UBE2L3: variants seen among roughly 807,000 people sequenced by gnomAD.
UBE2L3 encodes the protein ubiquitin conjugating enzyme E2 L3.
UBE2L3 carries 1 observed loss-of-function variant against 17.8 expected under a neutral mutation model. The ratio of observed to expected loss-of-function variants is 0.06; its 90% CI spans 0.02 to 0.27. UBE2L3 has a LOEUF of 0.27. UBE2L3 is among the 10% of genes least tolerant of loss of function. The pLI, the probability that UBE2L3 is intolerant of heterozygous loss-of-function variation, is 1.00. For missense variants in UBE2L3, 40 were observed against 192.6 expected (o/e 0.21, Z 4.69); for synonymous variants, 44 against 68.5 (o/e 0.64, Z 1.76).
chr22:21,569,711 A>T (rs915582016), intron 1 of UBE2L3, among the ~76,000 whole-genome samples: 25 of 152,290 alleles, frequency 1.6e-4, no homozygotes, highest in Non-Finnish European at 5.9e-5. Flanking sequence ...CAGTTCTTGC[A>T]CCTAATCACA....
upstream of UBE2L3, among the ~76,000 whole-genome samples, chr22:21,563,414 T>G (rs62237351): frequency 7.1e-6 from 1 of 140,436 alleles, no homozygotes; most frequent in African/African-American, 2.6e-5. Flanking sequence ...AAAAAAAAAT[T>G]AGCCAGGCGT....
intron 3 of UBE2L3, among the ~76,000 whole-genome samples, chr22:21,618,509 G>C (rs1057262773): frequency 5.3e-5 from 8 of 152,060 alleles, no homozygotes; most frequent in Admixed American, 5.2e-4. Context: ...AGCTTGCAGT[G>C]AGCCGAGATT....
chr22:21,582,104 A>T (rs2054372688), intron 1 of UBE2L3, among the ~76,000 whole-genome samples: 1 of 149,670 alleles, frequency 6.7e-6, no homozygotes, highest in South Asian at 2.2e-4. Flanking sequence ...TGGGTGACAG[A>T]GTGAGACTTC....
At chr22:21,611,989 C>T (rs762889466) in intron 3 of UBE2L3, among the ~76,000 whole-genome samples, 16 of 152,074 alleles carry the variant, frequency 1.1e-4, no homozygotes, top group African/African-American at 3.1e-4. Context: ...ACCAGGTGCA[C>T]GCAAAGTATG....
At chr22:21,568,074 C>A in intron 1 of UBE2L3, 1 of 1,236,918 alleles carries the variant, frequency 8.1e-7, no homozygotes, top group Non-Finnish European at 1.0e-6. Context: ...GCGGTCCGAT[C>A]TGAGGGCGTC....
intron 1 of UBE2L3, among the ~76,000 whole-genome samples, chr22:21,560,442 A>T (rs562768787): frequency 2.1e-5 from 3 of 144,626 alleles, no homozygotes; most frequent in East Asian, 4.1e-4. Context: ...TTCCCTTTAG[A>T]TCTATTTTTT....
At chr22:21,591,012 C>G (rs1445116739) in intron 1 of UBE2L3, among the ~76,000 whole-genome samples, 1 of 152,142 alleles carries the variant, frequency 6.6e-6, no homozygotes, top group Non-Finnish European at 1.5e-5. Context: ...GGTGTGAGAT[C>G]TCTTCCCCTT....
chr22:21,608,690 G>A (rs1383900538), intron 2 of UBE2L3, among the ~76,000 whole-genome samples: 3 of 151,114 alleles, frequency 2.0e-5, no homozygotes, highest in Non-Finnish European at 4.4e-5. Context: ...CTCCCAAAGT[G>A]CTGGGATTAC....
At chr22:21,567,474 G>A (rs987278968), upstream of UBE2L3, 6 of 580,958 alleles carry the variant, frequency 1.0e-5, no homozygotes, top group Non-Finnish European at 1.1e-5. Flanking sequence ...ACTATTTTAT[G>A]CAATCAGTAT....
chr22:21,574,347 C>T (rs531174831), intron 1 of UBE2L3, among the ~76,000 whole-genome samples: 24 of 152,232 alleles, frequency 1.6e-4, no homozygotes, highest in Non-Finnish European at 2.4e-4. Context: ...TTAGTTACTT[C>T]GTCCGTGTGT....
intron 1 of UBE2L3, among the ~76,000 whole-genome samples, chr22:21,570,736 G>A (rs1309445455): frequency 6.6e-6 from 1 of 151,930 alleles, no homozygotes; most frequent in Admixed American, 6.6e-5. Flanking sequence ...AAAAATTATT[G>A]ATACAAGTTG....
chr22:21,568,666 C>T (rs1601391090), intron 1 of UBE2L3, among the ~76,000 whole-genome samples: 2 of 152,084 alleles, frequency 1.3e-5, no homozygotes, highest in Non-Finnish European at 2.9e-5. Flanking sequence ...TGCCAAGGTC[C>T]TCTGTAGCCC....
At chr22:21,595,306 C>T (rs1928454912) in intron 2 of UBE2L3, among the ~76,000 whole-genome samples, 1 of 152,252 alleles carries the variant, frequency 6.6e-6, no homozygotes, top group Admixed American at 6.5e-5. Context: ...TCTTCCTTCT[C>T]CAGAGCAGTT....
Position 21,611,059 on chromosome 22 carries a change from G to C in UBE2L3, c.310+16G>C, listed in dbSNP as rs376679542. The C allele has an allele frequency of 6.3e-7, 1 of 1,579,472 alleles. No homozygotes were observed. Among genetic ancestry groups the C allele is most frequent in the East Asian group, 2.3e-5 (1 of 44,208 alleles). ...ACCGACCAAGGTAAGACATGTGCCTGTGTCTTCCTCGGAGGGGGTCTTTGG... is the reference window on the plus strand; with the variant it reads ...ACCGACCAAGGTAAGACATGTGCCTCTGTCTTCCTCGGAGGGGGTCTTTGG... On this transcript the variant is annotated intron_variant, in intron 3 of 3. Coordinates refer to ENST00000342192, the MANE Select transcript of UBE2L3 (RefSeq NM_003347.4).
At chr22:21,606,013 A>ACT (rs1373409523) in intron 2 of UBE2L3, among the ~76,000 whole-genome samples, 1 of 152,178 alleles carries the variant, frequency 6.6e-6, no homozygotes, top group African/African-American at 2.4e-5. Flanking sequence ...GGCATGTAGG[A>ACT]CTTTATAGTC....
At chr22:21,561,882 G>A (rs1926445460) in intron 1 of UBE2L3, among the ~76,000 whole-genome samples, 1 of 152,026 alleles carries the variant, frequency 6.6e-6, no homozygotes, top group Admixed American at 6.6e-5. Context: ...CCCAGTGATG[G>A]GCCACTTCTC....
intron 2 of UBE2L3, among the ~76,000 whole-genome samples, chr22:21,602,427 A>T: frequency 6.6e-6 from 1 of 152,090 alleles, no homozygotes; most frequent in Non-Finnish European, 1.5e-5. Context: ...GCTGCCAGAG[A>T]GCTGTATGGT....
chr22:21,572,813 C>T (rs945958834), intron 1 of UBE2L3, among the ~76,000 whole-genome samples: 1 of 152,180 alleles, frequency 6.6e-6, no homozygotes, highest in African/African-American at 2.4e-5. Context: ...CCTCTGGCCC[C>T]ATGCATCTCC....
chr22:21,577,231 G>A (rs1488934654), intron 1 of UBE2L3, among the ~76,000 whole-genome samples: 1 of 150,906 alleles, frequency 6.6e-6, no homozygotes, highest in Non-Finnish European at 1.5e-5. Context: ...GCCTCCCGAA[G>A]TGCTGGTATT....
Sources: gnomAD v4.1 joint callset for allele counts (sites outside exome capture counted in the v4.1 genomes callset) on GRCh38, gnomAD v4.1.1 for gene constraint, MANE v1.5 for transcripts, NCBI Gene and HGNC (gene_info 2026-07-23, HGNC 2026-07-21) for gene names.